The following CDKAL1 variants were observed in gnomAD, a reference collection of about 807,000 sequenced individuals.
CDKAL1 encodes CDKAL1 threonylcarbamoyladenosine tRNA methylthiotransferase, also known as threonylcarbamoyladenosine tRNA methylthiotransferase.
Under a neutral mutation model 68.2 loss-of-function variants are expected in CDKAL1, and 32 were observed. That is an observed-to-expected ratio of 0.47 (90% confidence interval 0.35 to 0.63). CDKAL1 has a LOEUF of 0.63. Among genes scored for constraint, CDKAL1 ranks in the 30% least tolerant of loss-of-function variants. The pLI is 0.00. For synonymous variants in CDKAL1, 234 were observed against 244.3 expected (o/e 0.96, Z 0.39); for missense variants, 606 against 696.7 (o/e 0.87, Z 1.47).
chr6:20,924,567 T>C (rs896044662), intron 9 of CDKAL1, among the ~76,000 whole-genome samples: 3 of 152,222 alleles, frequency 2.0e-5, no homozygotes, highest in African/African-American at 7.2e-5. Flanking sequence ...GTGGTCTAGA[T>C]AGACGATCAA....
intron 9 of CDKAL1, among the ~76,000 whole-genome samples, chr6:20,892,313 GT>G (rs1761451745): frequency 6.6e-6 from 1 of 152,182 alleles, no homozygotes; most frequent in Admixed American, 6.5e-5. Context: ...ATTGAAATAT[GT>G]GGACTGTATA....
At chr6:21,086,840 T>G (rs1187598914) in intron 12 of CDKAL1, among the ~76,000 whole-genome samples, 1 of 152,214 alleles carries the variant, frequency 6.6e-6, no homozygotes, top group Non-Finnish European at 1.5e-5. Context: ...GAATGAAAAC[T>G]TTGAGGAAAT....
chr6:20,822,040 T>C (rs1203096947), intron 8 of CDKAL1, among the ~76,000 whole-genome samples: 2 of 152,164 alleles, frequency 1.3e-5, no homozygotes, highest in Non-Finnish European at 2.9e-5. Flanking sequence ...GTTTACATAT[T>C]GTGTATGGCT....
At chr6:20,965,444 GA>G (rs140626614) in intron 10 of CDKAL1, among the ~76,000 whole-genome samples, 12,400 of 146,908 alleles carry the variant, frequency 0.084, 1,065 homozygotes, top group African/African-American at 0.21. Context: ...AGGGGAGGGG[GA>G]ACATTATAAT....
Position 20,792,302 on chromosome 6 carries a change from C to A in CDKAL1, c.638+11037C>A, listed in dbSNP as rs576875689. Among the ~76,000 whole-genome samples the A allele has an allele frequency of 3.3e-5, 5 of 152,246 alleles. No individual in the cohort carries two copies. The South Asian group carries it at 1.0e-3, about 32-fold the overall frequency. On this transcript the variant is annotated intron_variant, in intron 8 of 15. Transcript: ENST00000274695. ...GAGTGTCTATTTTTTGGTAAATCCA[C>A]TAAGAAAACTGGGTTTAAAACGAGG...
chr6:20,763,112 T>C (rs1774540724), intron 7 of CDKAL1, among the ~76,000 whole-genome samples: 1 of 152,198 alleles, frequency 6.6e-6, no homozygotes, highest in Non-Finnish European at 1.5e-5. Context: ...CCTGTATGGA[T>C]TGAATCAGTA....
chr6:21,169,604 C>T (rs374442487), intron 13 of CDKAL1, among the ~76,000 whole-genome samples: 9 of 152,140 alleles, frequency 5.9e-5, no homozygotes, highest in Admixed American at 3.9e-4. Context: ...CCACTACACC[C>T]CAGCCTTGGG....
At chr6:21,205,346 C>T (rs979044990) in intron 15 of CDKAL1, among the ~76,000 whole-genome samples, 1 of 152,086 alleles carries the variant, frequency 6.6e-6, no homozygotes, top group Non-Finnish European at 1.5e-5. Context: ...TTGTATGGTC[C>T]TCTATTTTTA....
chr6:20,954,221 C>G (rs180715818), intron 9 of CDKAL1, among the ~76,000 whole-genome samples: 1 of 151,962 alleles, frequency 6.6e-6, no homozygotes, highest in African/African-American at 2.4e-5. Context: ...TTAAGAGGAG[C>G]GAAGATCTTT....
At position 20,635,178 on chromosome 6, in the gene CDKAL1, C is replaced by G. The variant is rs115969459; in HGVS notation, c.287-14115C>G. Among the ~76,000 whole-genome samples, 853 of 152,176 alleles carry G rather than the reference C, an allele frequency of 5.6e-3. 12 individuals are homozygous for G. The highest frequency in any genetic ancestry group is 0.019 in the African/African-American group (805 of 41,514). On this transcript the variant is annotated intron_variant, in intron 4 of 15. Coordinates refer to ENST00000274695, the MANE Select transcript of CDKAL1 (RefSeq NM_017774.3). ...GTATTGCATTTCATAGGTATCCTTA[C>G]CATTTGGCTTTTGTGAGTAGATCTG...
chr6:21,134,937 T>G (rs990047451), intron 13 of CDKAL1, among the ~76,000 whole-genome samples: 1 of 150,234 alleles, frequency 6.7e-6, no homozygotes, highest in Non-Finnish European at 1.5e-5. Flanking sequence ...ATCCCATTAT[T>G]GTTTAATTTC....
At chr6:20,653,364 A>G (rs1396720701) in intron 5 of CDKAL1, among the ~76,000 whole-genome samples, 1 of 152,128 alleles carries the variant, frequency 6.6e-6, no homozygotes, top group Non-Finnish European at 1.5e-5. Flanking sequence ...GTTGTTTTCC[A>G]TTTTTGTCAG....
At chr6:21,096,720 C>A (rs898339802) in intron 12 of CDKAL1, among the ~76,000 whole-genome samples, 1 of 151,990 alleles carries the variant, frequency 6.6e-6, no homozygotes, top group Non-Finnish European at 1.5e-5. Context: ...ATAAATAAAA[C>A]CACTTGCTGT....
Position 20,941,771 on chromosome 6 carries a change from G to A in CDKAL1, c.743-13648G>A, listed in dbSNP as rs541122607. Among the ~76,000 whole-genome samples, 8 of 152,200 alleles carry A rather than the reference G, an allele frequency of 5.3e-5. No homozygotes were observed. The South Asian group carries it at 1.5e-3, about 28-fold the overall frequency. On this transcript the variant is annotated intron_variant, in intron 9 of 15. Coordinates refer to ENST00000274695, the MANE Select transcript of CDKAL1 (RefSeq NM_017774.3). ...TGGAGAGCCCTGAATTGGCACTTTG[G>A]GGCAAAGAAAAGGTGAGATCATTGA...
At chr6:20,713,708 AAAAAC>A (rs745904526) in intron 5 of CDKAL1, among the ~76,000 whole-genome samples, 111 of 152,228 alleles carry the variant, frequency 7.3e-4, no homozygotes, top group Non-Finnish European at 1.2e-3. Context: ...TTTTCTTGTT[AAAAAC>A]AAAACAACAT....
At position 20,557,045 on chromosome 6, in the gene CDKAL1, AAAAAAAAATAAAT is replaced by A. The variant is rs1413985407; in HGVS notation, c.286+8344_286+8356del. On this transcript the variant is annotated intron_variant, in intron 4 of 15. Coordinates refer to ENST00000274695, the MANE Select transcript of CDKAL1 (RefSeq NM_017774.3). ...AGAAAGAACGAGTCTCCATCTCAAA[AAAAAAAAATAAAT>A]AAATAAATAAATAAATAAATAAATA... Among the ~76,000 whole-genome samples, 205 of 113,338 alleles carry A rather than the reference AAAAAAAAATAAAT, an allele frequency of 1.8e-3. 2 individuals carry two copies. The highest frequency in any genetic ancestry group is 2.3e-3 in the African/African-American group (54 of 23,350). 74.4% of individuals were successfully genotyped at this position (113,338 alleles called of 152,430 possible).
At chr6:21,186,058 G>A (rs1226505125) in intron 13 of CDKAL1, among the ~76,000 whole-genome samples, 2 of 150,762 alleles carry the variant, frequency 1.3e-5, no homozygotes, top group South Asian at 2.1e-4. Context: ...CCGGAGCTAA[G>A]CCAAGAAGTA....
At position 20,661,340 on chromosome 6, in the gene CDKAL1, A is replaced by G. The variant is rs1769274858; in HGVS notation, c.371+11963A>G. 2.6e-5 allele frequency among the ~76,000 whole-genome samples: 4 copies of G among 152,116 alleles called. No individual in the cohort carries two copies. In the South Asian group the frequency reaches 8.3e-4, roughly 32 times the overall value. On this transcript the variant is annotated intron_variant, in intron 5 of 15. Coordinates refer to ENST00000274695, the MANE Select transcript of CDKAL1 (RefSeq NM_017774.3). ...TTCCTCATGAGTTTGTTTGGAGTTG[A>G]TAATGGTATTTGAGGAGCAAGTTTT...
At chr6:21,111,458 C>A (rs1183271745) in intron 13 of CDKAL1, among the ~76,000 whole-genome samples, 1 of 152,166 alleles carries the variant, frequency 6.6e-6, no homozygotes, top group Admixed American at 6.5e-5. Context: ...CTCAGTGAGT[C>A]AGTTGTATTT....
Sources: allele counts gnomAD v4.1 joint callset (sites outside exome capture counted in the v4.1 genomes callset), GRCh38; gene constraint gnomAD v4.1.1; transcripts MANE v1.5; gene names NCBI Gene and HGNC (gene_info 2026-07-23, HGNC 2026-07-21).